MINDY3: variants seen among roughly 807,000 people sequenced by gnomAD.
MINDY3 encodes MINDY lysine 48 deubiquitinase 3, also known as ubiquitin carboxyl-terminal hydrolase MINDY-3.
Under a neutral mutation model 69.2 loss-of-function variants are expected in MINDY3, and 38 were observed. That is an observed-to-expected ratio of 0.55 (90% CI 0.42 to 0.72). The LOEUF (loss-of-function observed/expected upper bound fraction) is 0.72. MINDY3 is among the 30% of genes least tolerant of loss of function. MINDY3 has a pLI of 0.00. For missense variants in MINDY3, 522 were observed against 519.0 expected (o/e 1.01, Z -0.06); for synonymous variants, 192 against 180.1 (o/e 1.07, Z -0.53).
intron 9 of MINDY3, 53 bp from the exon 10 acceptor site, chr10:15,816,968 G>T: frequency 7.6e-7 from 1 of 1,309,724 alleles, no homozygotes; most frequent in Non-Finnish European, 1.1e-6. Context: ...AATTTATACT[G>T]CCTCTTATTT....
chr10:15,792,872 T>C (rs931265007), intron 11 of MINDY3, among the ~76,000 whole-genome samples: 2 of 152,124 alleles, frequency 1.3e-5, no homozygotes, highest in Non-Finnish European at 2.9e-5. Flanking sequence ...TTGGAGGTTA[T>C]GGAATAAGCT....
chr10:15,814,665 G>T (rs1176540494), intron 10 of MINDY3, among the ~76,000 whole-genome samples: 1 of 152,124 alleles, frequency 6.6e-6, no homozygotes, highest in Admixed American at 6.6e-5. Flanking sequence ...GCGAGAGACA[G>T]CCCCTGCCCT....
intron 11 of MINDY3, among the ~76,000 whole-genome samples, chr10:15,792,197 G>C (rs529424839): frequency 6.6e-6 from 1 of 152,104 alleles, no homozygotes; most frequent in African/African-American, 2.4e-5. Context: ...TTTTCCCCAA[G>C]GCCAAGTCAC....
In MINDY3 at chr10:15,786,655, G is replaced by A. The variant is rs778979220; in HGVS notation, c.1029-7C>T. On this transcript the variant is annotated splice_region_variant and splice_polypyrimidine_tract_variant and intron_variant, in intron 12 of 14. Transcript: ENST00000277632. The stretch of plus-strand genomic sequence containing the variant: ...ATTCTTCATGAGATTTATACTACGG[G>A]GAGAAAGAAGAAAAACAGTGGATAC... 6 of 1,509,456 alleles carry A rather than the reference G, an allele frequency of 4.0e-6. No homozygotes were observed. Among genetic ancestry groups the A allele is most frequent in the Admixed American group, 3.6e-5 (2 of 55,360 alleles). 93.5% of individuals were successfully genotyped at this position (1,509,456 alleles called of 1,614,324 possible). A position where few individuals can be genotyped will look rare whatever the true frequency, so the allele number is the denominator to read the frequency against.
At chr10:15,830,626 GAGA>G (rs1840391764) in intron 8 of MINDY3, among the ~76,000 whole-genome samples, 1 of 152,196 alleles carries the variant, frequency 6.6e-6, no homozygotes, top group African/African-American at 2.4e-5. Context: ...CCCATTCATA[GAGA>G]AGAAGCTGAG....
chr10:15,851,106 C>T (rs542164915), intron 1 of MINDY3, among the ~76,000 whole-genome samples: 15 of 152,148 alleles, frequency 9.9e-5, no homozygotes, highest in South Asian at 8.3e-4. Flanking sequence ...CACAAACCTG[C>T]GAAACTTTTG....
In MINDY3 at chr10:15,844,098, T is replaced by G. The variant is rs527280157; in HGVS notation, c.175-826A>C. Among the ~76,000 whole-genome samples, 6 of 152,258 alleles carry G rather than the reference T, an allele frequency of 3.9e-5. No individual in the cohort carries two copies. The East Asian group carries it at 1.2e-3, about 29-fold the overall frequency. On this transcript the variant is annotated intron_variant, in intron 2 of 14. Transcript: ENST00000277632. ...GAATCCTGGCTCCACTATTACTAACTAAAAATAACTGTACAAACTTTAAAA... is the reference window on the plus strand; with the variant it reads ...GAATCCTGGCTCCACTATTACTAACGAAAAATAACTGTACAAACTTTAAAA...
rs1588630374 is a variant in MINDY3, at chr10:15,840,196, C to A, written c.409+1230G>T. Reference sequence around the variant, plus strand: ...AATGAACCTATTAAGTGTGCTAACACCCACACAGTAAAACCTGGAGAATAT... The same window carrying A: ...AATGAACCTATTAAGTGTGCTAACAACCACACAGTAAAACCTGGAGAATAT... On this transcript the variant is annotated intron_variant, in intron 4 of 14. Transcript: ENST00000277632. Among the ~76,000 whole-genome samples the A allele has an allele frequency of 2.0e-5, 3 of 151,660 alleles. No individual in the cohort carries two copies. In the East Asian group the frequency reaches 5.8e-4, roughly 29 times the overall value.
intron 10 of MINDY3, among the ~76,000 whole-genome samples, chr10:15,813,803 T>C (rs1839171254): frequency 6.6e-6 from 1 of 152,012 alleles, no homozygotes; most frequent in Non-Finnish European, 1.5e-5. Flanking sequence ...GCAAATAAAA[T>C]ATACTTTTTT....
At chr10:15,783,027 C>T (rs563010040) in intron 13 of MINDY3, among the ~76,000 whole-genome samples, 7 of 152,242 alleles carry the variant, frequency 4.6e-5, no homozygotes, top group Admixed American at 2.0e-4. Context: ...TGGCCATATC[C>T]GATGGATACA....
chr10:15,857,744 T>C (rs1834794725), intron 1 of MINDY3, among the ~76,000 whole-genome samples: 1 of 152,202 alleles, frequency 6.6e-6, no homozygotes, highest in Non-Finnish European at 1.5e-5. Context: ...AAGAGAATTA[T>C]CTAAAAATGT....
At chr10:15,800,519 C>T (rs1241752294) in intron 10 of MINDY3, among the ~76,000 whole-genome samples, 1 of 152,084 alleles carries the variant, frequency 6.6e-6, no homozygotes, top group East Asian at 1.9e-4. Flanking sequence ...CAGTGAGTTC[C>T]ACATCACAGT....
chr10:15,802,411 G>A (rs1285226342), intron 10 of MINDY3, among the ~76,000 whole-genome samples: 1 of 152,066 alleles, frequency 6.6e-6, no homozygotes, highest in Non-Finnish European at 1.5e-5. Flanking sequence ...TCTTCACAAG[G>A]CAGCAGGGGA....
chr10:15,781,116 T>C (rs754124475), intron 14 of MINDY3, among the ~76,000 whole-genome samples: 2 of 152,100 alleles, frequency 1.3e-5, no homozygotes, highest in African/African-American at 2.4e-5. Context: ...ACATCCAAGT[T>C]TGCATATATA....
intron 1 of MINDY3, among the ~76,000 whole-genome samples, chr10:15,859,983 A>G (rs545460756): frequency 2.0e-5 from 3 of 152,048 alleles, no homozygotes; most frequent in Non-Finnish European, 2.9e-5. Context: ...GAGGATGGAA[A>G]GAGCGCTGCG....
chr10:15,848,421 T>C (rs1834006939), intron 1 of MINDY3, among the ~76,000 whole-genome samples: 1 of 151,300 alleles, frequency 6.6e-6, no homozygotes, highest in Admixed American at 6.6e-5. Context: ...GATCACGAGG[T>C]CAGGAGATCG....
intron 7 of MINDY3, 116 bp downstream of exon 7, chr10:15,834,427 T>C (rs1832940353): frequency 3.0e-6 from 2 of 657,286 alleles, no homozygotes; most frequent in Non-Finnish European, 2.7e-6. Context: ...TCCATACATG[T>C]TGTACTGTCA....
intron 7 of MINDY3, 105 bp from the exon 8 acceptor site, chr10:15,833,814 A>C: frequency 1.3e-6 from 1 of 771,554 alleles, no homozygotes; most frequent in Non-Finnish European, 2.2e-6. Flanking sequence ...AAATTATGTA[A>C]GAATTTACAA....
chr10:15,842,641 A>G (rs973106613), intron 3 of MINDY3, among the ~76,000 whole-genome samples: 1 of 151,870 alleles, frequency 6.6e-6, no homozygotes, highest in South Asian at 2.1e-4. Context: ...TTCTTCCAGA[A>G]TTTACTGTGA....
Sources: gnomAD v4.1 joint callset for allele counts (sites outside exome capture counted in the v4.1 genomes callset) on GRCh38, gnomAD v4.1.1 for gene constraint, MANE v1.5 for transcripts, NCBI Gene and HGNC (gene_info 2026-07-23, HGNC 2026-07-21) for gene names.